GOLIM4: variants seen among roughly 807,000 people sequenced by gnomAD.
GOLIM4 encodes the protein 130 kDa golgi-localized phosphoprotein.
GOLIM4 carries 71 observed loss-of-function variants against 107.4 expected under a neutral mutation model. The observed-to-expected ratio is 0.66, with a 90% CI of 0.55 to 0.81. The LOEUF (loss-of-function observed/expected upper bound fraction) is 0.81, where lower values mean the gene tolerates loss of function less well. Among genes scored for constraint, GOLIM4 ranks in the 30% least tolerant of loss-of-function variants. GOLIM4 has a pLI of 0.00. For synonymous variants in GOLIM4, 327 were observed against 294.8 expected (o/e 1.11, Z -1.12); for missense variants, 830 against 826.1 (o/e 1.00, Z -0.06).
chr3:168,050,230 G>A (rs1205336795), intron 1 of GOLIM4, among the ~76,000 whole-genome samples: 2 of 151,452 alleles, frequency 1.3e-5, no homozygotes, highest in African/African-American at 4.9e-5. Context: ...AAATAGTTGT[G>A]TTCCAAAAAG....
chr3:168,043,534 A>G lies in GOLIM4; in HGVS notation c.367-5T>C. 10 of 1,596,642 alleles carry G rather than the reference A, an allele frequency of 6.3e-6. No individual in the cohort carries two copies. Among genetic ancestry groups the G allele is most frequent in the Non-Finnish European group, 8.5e-6 (10 of 1,175,086 alleles). On this transcript the variant is annotated splice_polypyrimidine_tract_variant and splice_region_variant and intron_variant, in intron 4 of 15. Coordinates refer to ENST00000470487, the MANE Select transcript of GOLIM4 (RefSeq NM_014498.5). ...CTTTAGCTCCTCGTGTTGGCTCTGC[A>G]AAGATGAAAACTTGAGTAGAAATAT...
chr3:168,032,531 C>T lies in GOLIM4; in HGVS notation c.1165G>A (p.Ala389Thr), dbSNP rs373403395. 1.8e-5 allele frequency: 29 copies of T among 1,613,632 alleles called. No individual in the cohort carries two copies. In the African/African-American group the frequency reaches 2.7e-4, roughly 15 times the overall value. ...GGGTGACTTCATACCTCAGCACGCG[C>T]GTGCCCTTCCAGGAGGTTGGCTGCT... ...REAANLLEGHARAEVYPSAKP... is the reference protein window; with the variant it reads ...REAANLLEGHTRAEVYPSAKP... The change falls in exon 9 of 16, where the codon GCG becomes ACG. Residue 389 changes from alanine (A) to threonine (T), a missense_variant. Coordinates refer to ENST00000470487, the MANE Select transcript of GOLIM4 (RefSeq NM_014498.5).
chr3:168,027,691 G>A (rs370597666), intron 12 of GOLIM4, 37 bp downstream of exon 12: 632 of 1,214,930 alleles, frequency 5.2e-4, no homozygotes, highest in Middle Eastern at 1.9e-3. Context: ...CACCTTATGA[G>A]TTTACATGTG....
At chr3:168,077,840 T>C (rs1721148307) in intron 1 of GOLIM4, among the ~76,000 whole-genome samples, 1 of 152,168 alleles carries the variant, frequency 6.6e-6, no homozygotes, top group South Asian at 2.1e-4. Context: ...AAAAATAAAC[T>C]ATAATATACA....
At chr3:168,039,176 T>C (rs1718830630) in intron 7 of GOLIM4, among the ~76,000 whole-genome samples, 1 of 152,136 alleles carries the variant, frequency 6.6e-6, no homozygotes. Flanking sequence ...TGACACTTTT[T>C]TTTAAGGCAG....
At chr3:168,021,662 TCAAAAAACAAAAAA>T (rs543010941) in intron 14 of GOLIM4, among the ~76,000 whole-genome samples, 22 of 151,458 alleles carry the variant, frequency 1.5e-4, no homozygotes, top group East Asian at 1.9e-4. Flanking sequence ...AGACTCTGTC[TCAAAAAACAAAAAA>T]CAAAAAACAA....
At chr3:168,045,234 T>C (rs1719231057) in intron 3 of GOLIM4, among the ~76,000 whole-genome samples, 2 of 152,078 alleles carry the variant, frequency 1.3e-5, no homozygotes, top group African/African-American at 4.8e-5. Flanking sequence ...GGCTAATATA[T>C]GCGCTGGGTG....
chr3:168,062,433 T>C (rs1720325261), intron 1 of GOLIM4, among the ~76,000 whole-genome samples: 1 of 152,010 alleles, frequency 6.6e-6, no homozygotes, highest in Admixed American at 6.6e-5. Context: ...GGTTTGTTTA[T>C]AAAGATACTT....
At chr3:168,053,654 T>C (rs1210854279) in intron 1 of GOLIM4, among the ~76,000 whole-genome samples, 1 of 152,248 alleles carries the variant, frequency 6.6e-6, no homozygotes, top group Non-Finnish European at 1.5e-5. Context: ...TTGGGGCTAA[T>C]GTCATAGAAA....
At chr3:168,078,507 AAT>A (rs1413075362) in intron 1 of GOLIM4, among the ~76,000 whole-genome samples, 1 of 152,172 alleles carries the variant, frequency 6.6e-6, no homozygotes, top group Non-Finnish European at 1.5e-5. Context: ...AGAATTTAAA[AAT>A]CATAAAATTT....
chr3:168,074,767 A>G (rs1397958866), intron 1 of GOLIM4, among the ~76,000 whole-genome samples: 2 of 152,176 alleles, frequency 1.3e-5, no homozygotes, highest in Admixed American at 1.3e-4. Context: ...CATTAGAAAT[A>G]TTACAACTTG....
At chr3:168,011,287 G>A (rs1158501924) in intron 14 of GOLIM4, among the ~76,000 whole-genome samples, 2 of 152,060 alleles carry the variant, frequency 1.3e-5, no homozygotes, top group Admixed American at 6.5e-5. Context: ...GTGACGGACG[G>A]CACCTGGAAA....
intron 1 of GOLIM4, among the ~76,000 whole-genome samples, chr3:168,050,662 T>C (rs920339369): frequency 6.6e-6 from 1 of 151,950 alleles, no homozygotes; most frequent in Non-Finnish European, 1.5e-5. Flanking sequence ...GGCATAAATA[T>C]GCCAGTTAAA....
intron 1 of GOLIM4, among the ~76,000 whole-genome samples, chr3:168,069,875 T>G (rs1194272673): frequency 6.6e-6 from 1 of 152,222 alleles, no homozygotes; most frequent in Non-Finnish European, 1.5e-5. Flanking sequence ...ATTTCCTTAG[T>G]GTTACATAAA....
chr3:168,041,292 G>A lies in GOLIM4; in HGVS notation c.600+100C>T, dbSNP rs555926367. The A allele has an allele frequency of 1.1e-5, 8 of 704,822 alleles. No individual in the cohort carries two copies. The East Asian group carries it at 2.1e-4, about 18-fold the overall frequency. 43.7% of individuals were successfully genotyped at this position (704,822 alleles called of 1,614,324 possible). On this transcript the variant is annotated intron_variant, in intron 6 of 15. Coordinates refer to ENST00000470487, the MANE Select transcript of GOLIM4 (RefSeq NM_014498.5). ...AATGCAAAGCCCACAATAACAACGTGGATTTGTAAAGCAGGCCAATTAGGG... is the reference window on the plus strand; with the variant it reads ...AATGCAAAGCCCACAATAACAACGTAGATTTGTAAAGCAGGCCAATTAGGG...
At chr3:168,032,495 A>T (rs1718383797) in intron 9 of GOLIM4, 25 bp downstream of exon 9, 1 of 1,568,366 alleles carries the variant, frequency 6.4e-7, no homozygotes, top group Non-Finnish European at 8.8e-7. Flanking sequence ...CCAGTACACC[A>T]TACCAGAAGC....
intron 15 of GOLIM4, 152 bp downstream of exon 15, chr3:168,010,591 T>C: frequency 2.6e-6 from 2 of 765,686 alleles, no homozygotes; most frequent in East Asian, 2.6e-5. Context: ...TGTCACAACT[T>C]TTCCTAATTT....
At chr3:168,018,910 G>A (rs1226738526) in intron 14 of GOLIM4, among the ~76,000 whole-genome samples, 1 of 151,442 alleles carries the variant, frequency 6.6e-6, no homozygotes, top group Non-Finnish European at 1.5e-5. Context: ...TGTGTGAAGG[G>A]CCAGATAGCA....
chr3:168,043,447 A>G lies in GOLIM4; in HGVS notation c.449T>C (p.Phe150Ser). The G allele has an allele frequency of 1.2e-6, 2 of 1,613,048 alleles. No homozygotes were observed. The highest frequency in any genetic ancestry group is 1.7e-6 in the Non-Finnish European group (2 of 1,179,272). Residue 150 changes from phenylalanine to serine, a missense_variant, in exon 5 of 16, where the codon TTT becomes TCT. Phe to Ser is a radical substitution (Grantham distance 155). Transcript: ENST00000470487. Reference protein sequence around the residue: ...RKQGEDFSRTFNDHKQKYLQL... With the variant: ...RKQGEDFSRTSNDHKQKYLQL... ...CAAGTATTTTTGCTTATGGTCATTA[A>G]ATGTTCTACTGAAGTCTTCCCCTTG...
Sources: allele counts gnomAD v4.1 joint callset (sites outside exome capture counted in the v4.1 genomes callset), GRCh38; gene constraint gnomAD v4.1.1; transcripts MANE v1.5; gene names NCBI Gene and HGNC (gene_info 2026-07-23, HGNC 2026-07-21).